The following STX17 variants were observed in gnomAD, a reference collection of about 807,000 sequenced individuals.
STX17 encodes the protein syntaxin-17.
Under a neutral mutation model 35.9 loss-of-function variants are expected in STX17, and 29 were observed. The observed-to-expected ratio is 0.81, with a 90% confidence interval of 0.60 to 1.10. STX17 has a LOEUF of 1.10. Ranked by LOEUF, STX17 falls within the 50% of genes least tolerant of loss-of-function variation. The pLI, the probability that STX17 is intolerant of heterozygous loss-of-function variation, is 0.00. For missense variants in STX17, 312 were observed against 352.3 expected, an observed-to-expected ratio of 0.89 and a Z score of 0.92; for synonymous variants, 92 against 118.3, an observed-to-expected ratio of 0.78 and a Z score of 1.44.
chr9:99,921,742 T>C (rs1828892964), intron 2 of STX17, among the ~76,000 whole-genome samples: 1 of 152,008 alleles, frequency 6.6e-6, no homozygotes, highest in East Asian at 1.9e-4. Flanking sequence ...ACCAATTCTT[T>C]GCAGTTCTTC....
intron 1 of STX17, among the ~76,000 whole-genome samples, chr9:99,914,722 A>G (rs1349456952): frequency 6.6e-6 from 1 of 152,244 alleles, no homozygotes; most frequent in Non-Finnish European, 1.5e-5. Context: ...GAAGTTTGAT[A>G]CAAGCATCAG....
intron 6 of STX17, among the ~76,000 whole-genome samples, chr9:99,960,686 C>G (rs1030629496): frequency 1.3e-5 from 2 of 152,208 alleles, no homozygotes; most frequent in Non-Finnish European, 2.9e-5. Context: ...TCATGATCCA[C>G]CCGCCTCAGC....
chr9:99,967,295 GT>G (rs149727789), intron 6 of STX17: 41 of 162,460 alleles, frequency 2.5e-4, no homozygotes, highest in Middle Eastern at 3.1e-3. Context: ...ATTTTGTTGG[GT>G]TTTTTTTTTC....
chr9:99,967,295 G>GT (rs149727789), intron 6 of STX17: 2,769 of 162,198 alleles, frequency 0.017, 64 homozygotes, highest in African/African-American at 0.057. Flanking sequence ...ATTTTGTTGG[G>GT]TTTTTTTTTT....
intron 3 of STX17, 135 bp from the exon 4 acceptor site, chr9:99,950,925 A>T (rs1829578268): frequency 6.0e-6 from 5 of 835,088 alleles, no homozygotes; most frequent in Non-Finnish European, 8.9e-6. Context: ...GGAAAATGTA[A>T]AAGTATTATG....
At chr9:99,951,392 A>G in intron 4 of STX17, 107 bp downstream of exon 4, 2 of 964,644 alleles carry the variant, frequency 2.1e-6, no homozygotes, top group Non-Finnish European at 3.1e-6. Flanking sequence ...GAGACCATTC[A>G]CTATCCCAAT....
At chr9:99,945,838 T>C (rs1829471894) in intron 3 of STX17, 1 of 270,552 alleles carries the variant, frequency 3.7e-6, no homozygotes, top group Non-Finnish European at 7.3e-6. Context: ...TCCCAGCACT[T>C]TGGGAGGCTG....
intron 3 of STX17, among the ~76,000 whole-genome samples, chr9:99,950,296 G>A (rs527575777): frequency 1.3e-5 from 2 of 151,936 alleles, no homozygotes; most frequent in African/African-American, 4.8e-5. Flanking sequence ...AGTGTGAAGT[G>A]TTACTGCTTT....
intron 2 of STX17, among the ~76,000 whole-genome samples, chr9:99,916,989 G>A (rs1284131571): frequency 6.6e-6 from 1 of 152,138 alleles, no homozygotes; most frequent in Non-Finnish European, 1.5e-5. Flanking sequence ...CCAGGTGGGT[G>A]GGGATAGAAT....
At chr9:99,921,389 C>G (rs1587914273) in intron 2 of STX17, among the ~76,000 whole-genome samples, 1 of 151,898 alleles carries the variant, frequency 6.6e-6, no homozygotes, top group Non-Finnish European at 1.5e-5. Flanking sequence ...TGCAATTGCT[C>G]TTTTTAATTT....
At chr9:99,935,518 T>C (rs948313545) in intron 3 of STX17, among the ~76,000 whole-genome samples, 5 of 152,126 alleles carry the variant, frequency 3.3e-5, no homozygotes, top group African/African-American at 7.2e-5. Context: ...TTTTCTGACC[T>C]GATTATTAGA....
chr9:99,946,072 G>T (rs906545528), intron 3 of STX17, among the ~76,000 whole-genome samples: 72 of 152,130 alleles, frequency 4.7e-4, no homozygotes, highest in African/African-American at 1.7e-3. Flanking sequence ...GATAGAGCAA[G>T]ACTCCATCTC....
At chr9:99,934,858 A>G (rs1406167383) in intron 3 of STX17, among the ~76,000 whole-genome samples, 7 of 152,212 alleles carry the variant, frequency 4.6e-5, no homozygotes, top group African/African-American at 1.4e-4. Context: ...AGAATTTTCA[A>G]TTAACTTAAA....
At chr9:99,926,789 C>T (rs867791486) in intron 2 of STX17, among the ~76,000 whole-genome samples, 2 of 152,188 alleles carry the variant, frequency 1.3e-5, no homozygotes, top group South Asian at 4.1e-4. Context: ...TGAGCCACTG[C>T]GCCCAGCCTT....
chr9:99,974,135 T>A lies in STX17; in HGVS notation c.*5462T>A, dbSNP rs1830062741. On this transcript the variant is annotated 3_prime_UTR_variant, in exon 8 of 8. Coordinates refer to ENST00000259400, the MANE Select transcript of STX17 (RefSeq NM_017919.3). ...AACCTTCAAAACAATGTCAGTGTTGTCACCTGTGCATTTGATAGCCACAGC... is the reference window on the plus strand; with the variant it reads ...AACCTTCAAAACAATGTCAGTGTTGACACCTGTGCATTTGATAGCCACAGC... Among the ~76,000 whole-genome samples, 1 of 152,216 alleles carries A rather than the reference T, an allele frequency of 6.6e-6. No individual in the cohort carries two copies. The highest frequency in any genetic ancestry group is 6.5e-5 in the Admixed American group (1 of 15,282).
At chr9:99,953,026 A>C (rs530047699) in intron 4 of STX17, among the ~76,000 whole-genome samples, 2 of 152,142 alleles carry the variant, frequency 1.3e-5, no homozygotes, top group Non-Finnish European at 2.9e-5. Flanking sequence ...TTAAAGTATA[A>C]TAACAATAAA....
intron 3 of STX17, among the ~76,000 whole-genome samples, chr9:99,942,045 A>C (rs1317336510): frequency 6.6e-6 from 1 of 152,214 alleles, no homozygotes; most frequent in African/African-American, 2.4e-5. Context: ...AGTAATGCCA[A>C]GCTATTTTCC....
intron 4 of STX17, among the ~76,000 whole-genome samples, chr9:99,955,818 G>A (rs957167370): frequency 2.0e-5 from 3 of 152,076 alleles, no homozygotes; most frequent in Non-Finnish European, 4.4e-5. Flanking sequence ...GTGGGTGGGA[G>A]TACCTGAGAT....
intron 4 of STX17, among the ~76,000 whole-genome samples, chr9:99,953,684 A>G (rs7865257): frequency 0.27 from 40,394 of 151,946 alleles, 6,186 homozygotes; most frequent in Non-Finnish European, 0.35. Context: ...ATAACTGTGA[A>G]GATAACCTGG....
Sources: gnomAD v4.1 joint callset for allele counts (sites outside exome capture counted in the v4.1 genomes callset) on GRCh38, gnomAD v4.1.1 for gene constraint, MANE v1.5 for transcripts, NCBI Gene and HGNC (gene_info 2026-07-23, HGNC 2026-07-21) for gene names.